PRDM10: variants seen among roughly 807,000 people sequenced by gnomAD.
PRDM10 encodes PR domain zinc finger protein 10.
A neutral mutation model predicts 133.1 loss-of-function variants in PRDM10; 65 were observed. That is an observed-to-expected ratio of 0.49 (90% CI 0.40 to 0.60). PRDM10 has a LOEUF of 0.60. Among genes scored for constraint, PRDM10 ranks in the 20% least tolerant of loss-of-function variants. The pLI is 0.00. For synonymous variants in PRDM10, 582 were observed against 580.4 expected, an observed-to-expected ratio of 1.00 and a Z score of -0.04; for missense variants, 1,137 against 1,507.1, an observed-to-expected ratio of 0.75 and a Z score of 4.07.
chr11:129,900,002 A>G lies in PRDM10; in HGVS notation c.*2311T>C, dbSNP rs1490018699. ...AGAATAACAGGAATTTTACATGATG[A>G]AATGTCTATTTCTGTCGGTACAAAT... On this transcript the variant is annotated 3_prime_UTR_variant, in exon 21 of 21. Transcript: ENST00000360871. 2 of 152,674 alleles carry G rather than the reference A, an allele frequency of 1.3e-5. No homozygotes were observed. The highest frequency in any genetic ancestry group is 4.8e-5 in the African/African-American group (2 of 41,466). 9.5% of individuals were successfully genotyped at this position (152,674 alleles called of 1,614,324 possible).
intron 19 of PRDM10, among the ~76,000 whole-genome samples, chr11:129,908,054 C>T (rs891752120): frequency 6.6e-6 from 1 of 151,410 alleles, no homozygotes; most frequent in African/African-American, 2.4e-5. Context: ...GAGCTATGAT[C>T]ACACCACTGT....
intron 16 of PRDM10, 142 bp from the exon 17 acceptor site, chr11:129,915,160 G>A: frequency 2.4e-6 from 2 of 828,564 alleles, no homozygotes; most frequent in South Asian, 1.9e-5. Flanking sequence ...CTCTATGCCT[G>A]TACTTCCTGG....
At chr11:129,981,121 C>T (rs1388133668) in intron 1 of PRDM10, among the ~76,000 whole-genome samples, 1 of 151,888 alleles carries the variant, frequency 6.6e-6, no homozygotes, top group Non-Finnish European at 1.5e-5. Context: ...TCCGCCTGCC[C>T]GGGCCTCCCA....
intron 2 of PRDM10, among the ~76,000 whole-genome samples, chr11:129,960,559 C>A (rs1951776883): frequency 1.3e-5 from 2 of 152,270 alleles, no homozygotes; most frequent in South Asian, 4.2e-4. Flanking sequence ...CACAAAGGAC[C>A]AAACTACTAT....
At chr11:129,933,347 C>T (rs1950929703) in intron 9 of PRDM10, among the ~76,000 whole-genome samples, 1 of 152,180 alleles carries the variant, frequency 6.6e-6, no homozygotes, top group African/African-American at 2.4e-5. Context: ...CCATGGCCAA[C>T]ATTTTCCATC....
chr11:129,955,525 G>A lies in PRDM10; in HGVS notation c.281C>T (p.Ala94Val). 6.2e-7 allele frequency: 1 copy of A among 1,614,058 alleles called. No homozygotes were observed. Among genetic ancestry groups the A allele is most frequent in the Non-Finnish European group, 8.5e-7 (1 of 1,179,990 alleles). The change falls in exon 4 of 21, where the codon GCT becomes GTT. Residue 94 changes from alanine to valine, a missense_variant. By Grantham distance (64) the Ala-to-Val change is moderately conservative. Around this residue, in one of 6 missense-constraint regions of PRDM10, gnomAD observed 635 missense variants for 835.2 expected, o/e 0.76. Transcript: ENST00000360871. ...PGQVAYVQQD[A>V]TAQQASLPVH... ...GCAGTTCGTTACCTGCTGAGCTGTA[G>A]CATCCTGTTGGACATAAGCTACCTG...
At chr11:129,996,845 G>A (rs1224550000) in intron 1 of PRDM10, among the ~76,000 whole-genome samples, 1 of 152,180 alleles carries the variant, frequency 6.6e-6, no homozygotes, top group African/African-American at 2.4e-5. Context: ...CAATTGTGGT[G>A]AGTGATTAAC....
chr11:129,955,540 T>C lies in PRDM10; in HGVS notation c.266A>G (p.Tyr89Cys). 6.2e-7 allele frequency: 1 copy of C among 1,614,040 alleles called. No homozygotes were observed. Among genetic ancestry groups the C allele is most frequent in the Non-Finnish European group, 8.5e-7 (1 of 1,179,992 alleles). ...TLFTDPGQVAYVQQDATAQQA... is the reference protein window; with the variant it reads ...TLFTDPGQVACVQQDATAQQA... ...CTGAGCTGTAGCATCCTGTTGGACA[T>C]AAGCTACCTGGCCGGGGTCTGTAAA... is the stretch of plus-strand genomic sequence containing the variant. The change falls in exon 4 of 21, where the codon TAT becomes TGT. Residue 89 changes from tyrosine to cysteine, a missense_variant. This residue lies in a region of PRDM10 where 635 missense variants were observed against 835.2 expected (regional missense o/e 0.76). Coordinates refer to ENST00000360871, the MANE Select transcript of PRDM10 (RefSeq NM_199437.2).
chr11:129,942,293 T>A (rs1591638220), intron 7 of PRDM10, 133 bp downstream of exon 7: 1 of 760,748 alleles, frequency 1.3e-6, no homozygotes, highest in East Asian at 2.7e-5. Flanking sequence ...TCAATAAGTA[T>A]GTGAATAACC....
Position 129,947,693 on chromosome 11 carries a change from C to T in PRDM10, c.295-323G>A. The T allele has an allele frequency of 1.6e-6, 1 of 607,554 alleles. No homozygotes were observed. The highest frequency in any genetic ancestry group is 4.9e-4 in the Middle Eastern group (1 of 2,048). 37.6% of individuals were successfully genotyped at this position (607,554 alleles called of 1,614,324 possible). A position where few individuals can be genotyped will look rare whatever the true frequency, so the allele number is the denominator to read the frequency against. On this transcript the variant is annotated intron_variant, in intron 4 of 20. Coordinates refer to ENST00000360871, the MANE Select transcript of PRDM10 (RefSeq NM_199437.2). The surrounding 1 kb of genome is among the most constrained non-coding windows in gnomAD (Gnocchi z 4.6). Reference sequence around the variant, plus strand: ...TCAACACTGGCAAGGCCCTGACCACCTGCGTCCTGACCCCACCCCTAAAAC... The same window carrying T: ...TCAACACTGGCAAGGCCCTGACCACTTGCGTCCTGACCCCACCCCTAAAAC...
chr11:129,987,081 T>C (rs1023526334), intron 1 of PRDM10, among the ~76,000 whole-genome samples: 1 of 152,170 alleles, frequency 6.6e-6, no homozygotes, highest in African/African-American at 2.4e-5. Flanking sequence ...ATACCTGAAA[T>C]TCAAATCACA....
intron 1 of PRDM10, among the ~76,000 whole-genome samples, chr11:129,972,195 C>T (rs1046897761): frequency 2.0e-5 from 3 of 152,196 alleles, no homozygotes; most frequent in African/African-American, 4.8e-5. Context: ...TTACAGCTGG[C>T]GCCTCTCCCT....
chr11:129,929,568 AC>A lies in PRDM10; in HGVS notation c.1530+1447del, dbSNP rs1950786967. ...TTTAGAATGTGTGAGAGAAAAAAAA[AC>A]AAAATAGCTCAACTAAGACTGACCT... On this transcript the variant is annotated intron_variant, in intron 11 of 20. Transcript: ENST00000360871. 1.9e-5 allele frequency: 13 copies of A among 691,498 alleles called. 1 individual carries two copies. The South Asian group carries it at 2.8e-4, about 15-fold the overall frequency. The allele number at this position is 691,498 out of a possible 1,614,324, so 42.8% of individuals were successfully genotyped here. A position where few individuals can be genotyped will look rare whatever the true frequency, so the allele number is the denominator to read the frequency against.
chr11:129,979,670 C>T (rs1937995305), intron 1 of PRDM10, among the ~76,000 whole-genome samples: 1 of 152,190 alleles, frequency 6.6e-6, no homozygotes. Context: ...AAGCAAAGCT[C>T]TCGAGGAGAA....
Position 129,947,014 on chromosome 11 carries a change from A to C in PRDM10, c.520+131T>G. The C allele has an allele frequency of 7.9e-7, 1 of 1,264,462 alleles. No homozygotes were observed. The highest frequency in any genetic ancestry group is 1.1e-6 in the Non-Finnish European group (1 of 913,592). 78.3% of individuals were successfully genotyped at this position (1,264,462 alleles called of 1,614,324 possible). A position where few individuals can be genotyped will look rare whatever the true frequency, so the allele number is the denominator to read the frequency against. On this transcript the variant is annotated intron_variant, in intron 5 of 20. Transcript: ENST00000360871. This position sits in a 1 kb window ranked among gnomAD's most constrained non-coding sequence, Gnocchi z 4.6. Reference sequence around the variant, plus strand: ...GAAGGCCAGGTGGGATGAAGCAAGCAGAGAATGTAGCACAGTTGGCTGCAC... The same window carrying C: ...GAAGGCCAGGTGGGATGAAGCAAGCCGAGAATGTAGCACAGTTGGCTGCAC...
At chr11:129,909,472 T>C (rs1316230626) in intron 19 of PRDM10, among the ~76,000 whole-genome samples, 1 of 151,006 alleles carries the variant, frequency 6.6e-6, no homozygotes. Context: ...AGAATATTGA[T>C]TGTAAAAATA....
rs531539524 is a variant in PRDM10, at chr11:129,904,501, C to CT, written c.3267+1136dup. 1.0e-3 allele frequency among the ~76,000 whole-genome samples: 151 copies of CT among 151,506 alleles called. No homozygotes were observed. The Middle Eastern group carries it at 0.014, about 14-fold the overall frequency. ...AACTTATTCACCCAGGAGTATTTTT[C>CT]TTTTTTTTTCTTTTCTGAGACAGAG... is the stretch of plus-strand genomic sequence containing the variant. On this transcript the variant is annotated intron_variant, in intron 20 of 20. Coordinates refer to ENST00000360871, the MANE Select transcript of PRDM10 (RefSeq NM_199437.2).
chr11:129,961,460 A>G (rs980254362), intron 1 of PRDM10, among the ~76,000 whole-genome samples: 1 of 152,118 alleles, frequency 6.6e-6, no homozygotes, highest in Non-Finnish European at 1.5e-5. Flanking sequence ...ACGAGCAACC[A>G]TGCCCAGCTA....
intron 1 of PRDM10, among the ~76,000 whole-genome samples, chr11:129,998,223 C>A (rs1329231391): frequency 6.6e-6 from 1 of 152,098 alleles, no homozygotes; most frequent in Non-Finnish European, 1.5e-5. Context: ...GTATTTCACA[C>A]TTCACAGCAC....
Sources: allele counts gnomAD v4.1 joint callset (sites outside exome capture counted in the v4.1 genomes callset), GRCh38; gene constraint gnomAD v4.1.1; regional missense constraint gnomAD v4.1.1; non-coding constraint Gnocchi (gnomAD v3.1); transcripts MANE v1.5; gene names NCBI Gene and HGNC (gene_info 2026-07-23, HGNC 2026-07-21).